The following CDH8 variants were observed in gnomAD, a reference collection of about 807,000 sequenced individuals.
CDH8 encodes the protein cadherin 8.
CDH8 carries 17 observed loss-of-function variants against 68.1 expected under a neutral mutation model. That is an observed-to-expected ratio of 0.25 (90% CI 0.17 to 0.37). The LOEUF (loss-of-function observed/expected upper bound fraction) is 0.37, where lower values mean the gene tolerates loss of function less well. Ranked by LOEUF, CDH8 falls within the 10% of genes least tolerant of loss-of-function variation. The probability of loss-of-function intolerance (pLI) is 1.00; values close to 1 mark genes in which losing one functional copy is unlikely to be tolerated. For missense variants in CDH8, 763 were observed against 999.3 expected (o/e 0.76, Z 3.19); for synonymous variants, 372 against 365.1 (o/e 1.02, Z -0.21).
intron 10 of CDH8, among the ~76,000 whole-genome samples, chr16:61,699,183 G>A (rs575379823): frequency 3.1e-4 from 47 of 152,114 alleles, no homozygotes; most frequent in Non-Finnish European, 4.9e-4. Flanking sequence ...CATTCTCATC[G>A]CCCTTCTGAG....
At chr16:61,923,422 C>A (rs1964405429) in intron 2 of CDH8, among the ~76,000 whole-genome samples, 1 of 151,954 alleles carries the variant, frequency 6.6e-6, no homozygotes, top group South Asian at 2.1e-4. Flanking sequence ...CCATTAATAA[C>A]CAATACAAGT....
chr16:62,032,728 T>C (rs781173162), intron 1 of CDH8, among the ~76,000 whole-genome samples: 138 of 152,262 alleles, frequency 9.1e-4, no homozygotes, highest in Non-Finnish European at 9.9e-4. Context: ...AAAAGTGTGG[T>C]TGGAAATACG....
intron 2 of CDH8, among the ~76,000 whole-genome samples, chr16:61,976,381 T>C (rs553514659): frequency 6.6e-6 from 1 of 152,292 alleles, no homozygotes; most frequent in African/African-American, 2.4e-5. Context: ...TTATAGTAGA[T>C]CTTCCTCCCT....
rs185739581 is a variant in CDH8, at chr16:61,676,683, C to T, written c.1655-20962G>A. ...AATTTTGAAAGACTGAATATTTTTC[C>T]AAAACATCAGCAACAAGCAAGGTTG... On this transcript the variant is annotated intron_variant, in intron 10 of 11. Coordinates refer to ENST00000577390, the MANE Select transcript of CDH8 (RefSeq NM_001796.5). Among the ~76,000 whole-genome samples, 36 of 152,100 alleles carry T rather than the reference C, an allele frequency of 2.4e-4. 1 individual carries two copies. In the East Asian group the frequency reaches 5.6e-3, roughly 24 times the overall value.
intron 8 of CDH8, among the ~76,000 whole-genome samples, chr16:61,755,259 AAT>A (rs1567455272): frequency 6.6e-6 from 1 of 152,192 alleles, no homozygotes; most frequent in Non-Finnish European, 1.5e-5. Context: ...AGGAATGTAT[AAT>A]TATCACAAGG....
intron 2 of CDH8, 72 bp from the exon 3 acceptor site, chr16:61,901,545 G>T (rs958882050): frequency 9.3e-7 from 1 of 1,079,136 alleles, no homozygotes; most frequent in Non-Finnish European, 1.4e-6. Flanking sequence ...CCTCCTTTTT[G>T]AATATTAAGT....
intron 2 of CDH8, among the ~76,000 whole-genome samples, chr16:61,963,591 C>A (rs1281722731): frequency 6.6e-6 from 1 of 152,160 alleles, no homozygotes; most frequent in East Asian, 1.9e-4. Context: ...CTTTTTAATA[C>A]TCACTAAAAA....
intron 2 of CDH8, among the ~76,000 whole-genome samples, chr16:62,020,919 AT>A (rs778624433): frequency 1.3e-5 from 2 of 151,972 alleles, no homozygotes; most frequent in African/African-American, 4.8e-5. Context: ...GCAGTGTTGT[AT>A]TTTACTGATA....
chr16:61,759,411 A>G (rs1960406200), intron 8 of CDH8, among the ~76,000 whole-genome samples: 2 of 151,918 alleles, frequency 1.3e-5, no homozygotes, highest in Non-Finnish European at 2.9e-5. Context: ...AAGGAGAAGG[A>G]AAGTAATAGT....
At chr16:61,727,995 A>G (rs963140046) in intron 8 of CDH8, among the ~76,000 whole-genome samples, 1 of 151,024 alleles carries the variant, frequency 6.6e-6, no homozygotes, top group Non-Finnish European at 1.5e-5. Flanking sequence ...GGGACATGTT[A>G]TGGTTTTCAC....
At chr16:61,703,377 G>A (rs980362478) in intron 10 of CDH8, among the ~76,000 whole-genome samples, 1 of 151,924 alleles carries the variant, frequency 6.6e-6, no homozygotes, top group African/African-American at 2.4e-5. Context: ...AAAAAAGATA[G>A]AGAATTTTAG....
chr16:61,928,087 T>C (rs1411722803), intron 2 of CDH8, among the ~76,000 whole-genome samples: 1 of 152,200 alleles, frequency 6.6e-6, no homozygotes, highest in Non-Finnish European at 1.5e-5. Context: ...TACCTCACTG[T>C]GGTATTACAT....
intron 2 of CDH8, among the ~76,000 whole-genome samples, chr16:61,904,828 T>G (rs754337640): frequency 2.6e-5 from 4 of 152,198 alleles, no homozygotes; most frequent in African/African-American, 4.8e-5. Context: ...TTTCTGCTGC[T>G]CTTCACGTAA....
chr16:61,809,780 G>A (rs1266480142), intron 7 of CDH8, among the ~76,000 whole-genome samples: 3 of 152,156 alleles, frequency 2.0e-5, no homozygotes, highest in African/African-American at 7.2e-5. Flanking sequence ...ATGCTGTGCA[G>A]AGCAAAACAC....
chr16:61,684,045 C>A (rs1964059222), intron 10 of CDH8, among the ~76,000 whole-genome samples: 1 of 152,036 alleles, frequency 6.6e-6, no homozygotes, highest in Non-Finnish European at 1.5e-5. Context: ...CGCCATTGCA[C>A]CCTTCGTGCT....
At chr16:61,728,399 C>A (rs1184839048) in intron 8 of CDH8, among the ~76,000 whole-genome samples, 2 of 151,000 alleles carry the variant, frequency 1.3e-5, no homozygotes, top group African/African-American at 4.8e-5. Flanking sequence ...CTCCAATATT[C>A]TAATTTGGTT....
intron 8 of CDH8, among the ~76,000 whole-genome samples, chr16:61,729,911 G>A (rs754015834): frequency 2.0e-5 from 3 of 151,326 alleles, no homozygotes; most frequent in African/African-American, 4.8e-5. Context: ...CAGATACACT[G>A]ACAATGGTTG....
rs766827195 is a variant in CDH8 at position 62,025,020 on chromosome 16, G to C, written c.-199-3418C>G. Among the ~76,000 whole-genome samples, 5 of 152,148 alleles carry C rather than the reference G, an allele frequency of 3.3e-5. No homozygotes were observed. The South Asian group carries it at 6.2e-4, about 19-fold the overall frequency. ...AAATACATAAACAATTCACTGAAAC[G>C]TAGTCTTAGAAGGTTTAAAAGAAAT... On this transcript the variant is annotated intron_variant, in intron 1 of 11. Transcript: ENST00000577390.
chr16:61,810,877 A>C (rs2142999001), intron 7 of CDH8, among the ~76,000 whole-genome samples: 1 of 152,170 alleles, frequency 6.6e-6, no homozygotes, highest in African/African-American at 2.4e-5. Flanking sequence ...ACAAAAAATT[A>C]GCCGGGTATG....
Sources: gnomAD v4.1 joint callset for allele counts (sites outside exome capture counted in the v4.1 genomes callset) on GRCh38, gnomAD v4.1.1 for gene constraint, MANE v1.5 for transcripts, NCBI Gene and HGNC (gene_info 2026-07-23, HGNC 2026-07-21) for gene names.